Variants in SLC2A9 observed in about 807,000 individuals in gnomAD.
The protein encoded by SLC2A9 is solute carrier family 2, facilitated glucose transporter member 9.
Under a neutral mutation model 50.6 loss-of-function variants are expected in SLC2A9, and 39 were observed. That is an observed-to-expected ratio of 0.77 (90% confidence interval 0.60 to 1.01). The LOEUF is 1.01. Among genes scored for constraint, SLC2A9 ranks in the 50% least tolerant of loss-of-function variants. The probability of loss-of-function intolerance (pLI) is 0.00; values close to 1 mark genes in which losing one functional copy is unlikely to be tolerated. For synonymous variants in SLC2A9, 324 were observed against 276.9 expected (o/e 1.17, Z -1.69); for missense variants, 686 against 677.6 (o/e 1.01, Z -0.14).
At chr4:9,935,238 C>A (rs899301207) in intron 6 of SLC2A9, among the ~76,000 whole-genome samples, 11 of 152,332 alleles carry the variant, frequency 7.2e-5, no homozygotes, top group African/African-American at 2.6e-4. Context: ...ACCACACTGC[C>A]TTCCTCAATG....
chr4:9,907,371 C>T (rs1360365315), intron 8 of SLC2A9, among the ~76,000 whole-genome samples: 1 of 152,220 alleles, frequency 6.6e-6, no homozygotes, highest in Non-Finnish European at 1.5e-5. Context: ...ATTCCAAGAT[C>T]TGGAAATTTC....
At chr4:9,950,774 T>A (rs1750085018) in intron 5 of SLC2A9, among the ~76,000 whole-genome samples, 1 of 39,708 alleles carries the variant, frequency 2.5e-5, no homozygotes, top group South Asian at 6.6e-4. Flanking sequence ...GCGCCTGTAG[T>A]CTCAGCTACT....
chr4:9,900,559 T>G (rs550022672), intron 8 of SLC2A9, among the ~76,000 whole-genome samples: 2 of 152,252 alleles, frequency 1.3e-5, no homozygotes, highest in South Asian at 4.1e-4. Flanking sequence ...GCACTGACTC[T>G]GTTTCTTCCC....
At chr4:9,949,393 A>AATGCTAAAAC (rs1749791562) in intron 5 of SLC2A9, among the ~76,000 whole-genome samples, 1 of 152,214 alleles carries the variant, frequency 6.6e-6, no homozygotes, top group Non-Finnish European at 1.5e-5. Context: ...TTTTTATAAA[A>AATGCTAAAAC]ATGCTAAAAC....
At chr4:10,012,537 T>A (rs1761933033) in intron 2 of SLC2A9, among the ~76,000 whole-genome samples, 1 of 152,154 alleles carries the variant, frequency 6.6e-6, no homozygotes. Context: ...ATATCTCAGG[T>A]AGTGTTAAAT....
chr4:9,994,179 T>A (rs1758202623), intron 3 of SLC2A9, among the ~76,000 whole-genome samples: 1 of 152,248 alleles, frequency 6.6e-6, no homozygotes, highest in Admixed American at 6.5e-5. Context: ...TCAGTTCAAC[T>A]CCATTTTGAA....
intron 10 of SLC2A9, among the ~76,000 whole-genome samples, chr4:9,853,330 GA>G (rs35561020): frequency 0.47 from 71,628 of 151,900 alleles, 19,248 homozygotes; most frequent in African/African-American, 0.74. Flanking sequence ...ATGGAAAACA[GA>G]AAAAAATCAG....
rs1553879027 is a variant in SLC2A9 at position 9,931,985 on chromosome 4, T to TATATATATATATATATAC, written c.814+9927_814+9928insGTATATATATATATATAT. Reference sequence around the variant, plus strand: ...CTCTATATATATATATATATATATATATATATATATATATGCCTTGCCTGA... The same window carrying TATATATATATATATATAC: ...CTCTATATATATATATATATATATATATATATATATATATATACATATATATATATATGCCTTGCCTGA... On this transcript the variant is annotated intron_variant, in intron 6 of 11. Coordinates refer to ENST00000264784, the MANE Select transcript of SLC2A9 (RefSeq NM_020041.3). Among the ~76,000 whole-genome samples, 52 of 95,672 alleles carry TATATATATATATATATAC rather than the reference T, an allele frequency of 5.4e-4. 1 individual carries two copies. Among genetic ancestry groups the TATATATATATATATATAC allele is most frequent in the Non-Finnish European group, 6.9e-4 (32 of 46,216 alleles). The allele number at this position is 95,672 out of a possible 152,430, so 62.8% of individuals were successfully genotyped here.
chr4:9,777,455 A>G (rs1717720282), downstream of SLC2A9, among the ~76,000 whole-genome samples: 1 of 152,074 alleles, frequency 6.6e-6, no homozygotes, highest in Non-Finnish European at 1.5e-5. Context: ...TCACTTACAC[A>G]CCATGTATTG....
At chr4:10,014,316 T>A (rs1762254990) in intron 2 of SLC2A9, among the ~76,000 whole-genome samples, 1 of 152,204 alleles carries the variant, frequency 6.6e-6, no homozygotes, top group African/African-American at 2.4e-5. Flanking sequence ...ACACCAGCCC[T>A]TTACAGAGGC....
intron 3 of SLC2A9, among the ~76,000 whole-genome samples, chr4:9,814,830 A>G (rs1259502270): frequency 1.3e-5 from 2 of 152,128 alleles, no homozygotes; most frequent in East Asian, 1.9e-4. Flanking sequence ...CACGGCTAAG[A>G]GACAATGCAG....
At position 9,807,943 on chromosome 4, in the gene SLC2A9, C is replaced by T. The variant is rs563992167; in HGVS notation, n.421-8702G>A. ...GGCGAGCCCCCTGAAATAGTTGGCC[C>T]CAGGCCTATTTATTTGCTCTTTCCT... On this transcript the variant is annotated intron_variant and non_coding_transcript_variant, in intron 3 of 3. Transcript: ENST00000503280. 4.6e-4 allele frequency among the ~76,000 whole-genome samples: 70 copies of T among 152,326 alleles called. No individual in the cohort carries two copies. The South Asian group carries it at 0.014, about 30-fold the overall frequency.
At chr4:9,942,453 A>G (rs1748339971) in intron 5 of SLC2A9, among the ~76,000 whole-genome samples, 1 of 152,172 alleles carries the variant, frequency 6.6e-6, no homozygotes, top group African/African-American at 2.4e-5. Context: ...TGTGGAGGTG[A>G]CATGGGCACC....
At chr4:9,817,281 G>C (rs995072865) in intron 3 of SLC2A9, among the ~76,000 whole-genome samples, 1 of 152,142 alleles carries the variant, frequency 6.6e-6, no homozygotes, top group African/African-American at 2.4e-5. Flanking sequence ...TTAGGATTAC[G>C]CCCTGGACAT....
rs546845104 is a variant in SLC2A9 at position 9,783,544 on chromosome 4, T to A, written n.386-3479A>T. On this transcript the variant is annotated intron_variant and non_coding_transcript_variant, in intron 3 of 3. Transcript: ENST00000503803. ...ACGCACACACACGCAAATACATGCC[T>A]TTCCAGTGCTGCTCCCTTTATCATG... 3.6e-4 allele frequency: 462 copies of A among 1,275,516 alleles called. 3 individuals are homozygous for A. The highest frequency in any genetic ancestry group is 1.4e-4 in the Non-Finnish European group (132 of 922,588). 79.0% of individuals were successfully genotyped at this position (1,275,516 alleles called of 1,614,324 possible).
intron 8 of SLC2A9, among the ~76,000 whole-genome samples, chr4:9,903,851 TAA>T (rs1046707657): frequency 3.4e-5 from 5 of 147,396 alleles, no homozygotes; most frequent in African/African-American, 1.2e-4. Context: ...TATAAATATA[TAA>T]AATATATTTT....
intron 6 of SLC2A9, among the ~76,000 whole-genome samples, chr4:9,920,922 C>T (rs894756470): frequency 1.3e-5 from 2 of 152,184 alleles, no homozygotes; most frequent in Non-Finnish European, 2.9e-5. Context: ...ATCATTCCTG[C>T]CTCCAATGGC....
At chr4:9,921,358 G>A (rs1425551079) in intron 6 of SLC2A9, among the ~76,000 whole-genome samples, 2 of 152,118 alleles carry the variant, frequency 1.3e-5, no homozygotes, top group African/African-American at 4.8e-5. Context: ...GTGCTTGAAG[G>A]CGGGCTGACT....
At chr4:9,851,901 C>A (rs1368630966) in intron 10 of SLC2A9, among the ~76,000 whole-genome samples, 2 of 152,184 alleles carry the variant, frequency 1.3e-5, no homozygotes, top group Non-Finnish European at 2.9e-5. Flanking sequence ...TGAACAAAAT[C>A]TCTGAGCAAT....
Sources: allele counts gnomAD v4.1 joint callset (sites outside exome capture counted in the v4.1 genomes callset), GRCh38; gene constraint gnomAD v4.1.1; transcripts MANE v1.5; gene names NCBI Gene and HGNC (gene_info 2026-07-23, HGNC 2026-07-21).